Variants in DUOX1 observed in about 807,000 individuals in gnomAD.
The protein encoded by DUOX1 is NADPH thyroid oxidase 1.
DUOX1 carries 134 observed loss-of-function variants against 181.8 expected under a neutral mutation model. That is an observed-to-expected ratio of 0.74 (90% CI 0.64 to 0.85). DUOX1 has a LOEUF of 0.85. DUOX1 is among the 40% of genes least tolerant of loss of function. DUOX1 has a pLI of 0.00. For missense variants in DUOX1, 1,814 were observed against 2,064.4 expected, an observed-to-expected ratio of 0.88 and a Z score of 2.35; for synonymous variants, 798 against 832.5, an observed-to-expected ratio of 0.96 and a Z score of 0.71.
chr15:45,137,185 T>TAAAAA (rs35442034), intron 9 of DUOX1, among the ~76,000 whole-genome samples: 2 of 81,922 alleles, frequency 2.4e-5, no homozygotes, highest in Non-Finnish European at 4.5e-5. Flanking sequence ...TCGTCTCTAC[T>TAAAAA]AAAAAAAAAA....
intron 14 of DUOX1, among the ~76,000 whole-genome samples, chr15:45,141,711 G>A (rs939051286): frequency 6.6e-6 from 1 of 152,064 alleles, no homozygotes; most frequent in Non-Finnish European, 1.5e-5. Context: ...GGAGGGCTCA[G>A]TGCAGTGAGG....
Position 45,133,718 on chromosome 15 carries a change from C to G in DUOX1, c.59-146C>G. 5 of 695,180 alleles carry G rather than the reference C, an allele frequency of 7.2e-6. No homozygotes were observed. In the South Asian group the frequency reaches 8.7e-5, roughly 12 times the overall value. 43.1% of individuals were successfully genotyped at this position (695,180 alleles called of 1,614,324 possible). ...GACACTACTTTGCCCTGGTTTTTCC[C>G]TCTGCACCCTACCTCTCACATCCAC... On this transcript the variant is annotated intron_variant, in intron 2 of 33. Transcript: ENST00000389037.
At position 45,161,901 on chromosome 15, in the gene DUOX1, G is replaced by A. The variant is rs1429253302; in HGVS notation, c.4020G>A (p.Gly1340=). The part of the protein sequence containing the change: ...DTLSLHIRAA[G]PWTTRLREIY... ...TTAGCCTGCACATCCGGGCAGCAGG[G>A]CCCTGGACCACTCGCCTCAGGGAGA... The change falls in exon 30 of 34, where the codon GGG becomes GGA. Residue 1340 remains glycine, a synonymous_variant. Coordinates refer to ENST00000389037, the MANE Select transcript of DUOX1 (RefSeq NM_175940.3). 7 of 1,613,304 alleles carry A rather than the reference G, an allele frequency of 4.3e-6. No individual in the cohort carries two copies. The South Asian group carries it at 7.7e-5, about 18-fold the overall frequency.
At chr15:45,136,435 G>C (rs1381673283) in intron 8 of DUOX1, 25 bp downstream of exon 8, 41 of 1,613,928 alleles carry the variant, frequency 2.5e-5, no homozygotes, top group Non-Finnish European at 3.3e-5. Context: ...AAGGAGGATG[G>C]GAGGGCTTGC....
chr15:45,147,494 G>A lies in DUOX1; in HGVS notation c.2384G>A (p.Arg795Gln), dbSNP rs778426163. The change falls in exon 19 of 34, where the codon CGG (arginine) becomes CAG (glutamine). Residue 795 changes from arginine to glutamine, a missense_variant. Coordinates refer to ENST00000389037, the MANE Select transcript of DUOX1 (RefSeq NM_175940.3). ...TLPLDSSQKV[R>Q]EALTCELSRA... Reference sequence around the variant, plus strand: ...CCCCTGGACTCCTCCCAGAAGGTGCGGGAGGCCCTGACCTGTGAGCTGAGC... The same window carrying A: ...CCCCTGGACTCCTCCCAGAAGGTGCAGGAGGCCCTGACCTGTGAGCTGAGC... The A allele has an allele frequency of 2.5e-5, 41 of 1,614,046 alleles. No individual in the cohort carries two copies. Among genetic ancestry groups the A allele is most frequent in the Middle Eastern group, 1.7e-4 (1 of 6,060 alleles).
In DUOX1 at chr15:45,147,563, T is replaced by G. The variant is rs371652459; in HGVS notation, c.2453T>G (p.Met818Arg). ...TCCCTGGGCCTCAAGCCCCAGGACA[T>G]GTTTGTGGAGTCCATGTTCTCTCTG... ...AESLGLKPQD[M>R]FVESMFSLAD... Residue 818 changes from methionine to arginine, a missense_variant, in exon 19 of 34, where the codon ATG (methionine) becomes AGG (arginine). Met to Arg is a moderately conservative substitution (Grantham distance 91). Around this residue, in one of 5 missense-constraint regions of DUOX1, gnomAD observed 1,064 missense variants for 1,152.9 expected, o/e 0.92. Transcript: ENST00000389037. The G allele has an allele frequency of 4.3e-5, 69 of 1,613,864 alleles. No homozygotes were observed. Among genetic ancestry groups the G allele is most frequent in the Non-Finnish European group, 5.6e-5 (66 of 1,179,918 alleles).
intron 19 of DUOX1, 38 bp downstream of exon 19, chr15:45,147,696 G>A: frequency 1.2e-6 from 2 of 1,611,908 alleles, no homozygotes; most frequent in Middle Eastern, 1.7e-4. Flanking sequence ...GCTGGACAGG[G>A]GCTGATCTGT....
chr15:45,148,035 C>T (rs774096097), intron 20 of DUOX1, 38 bp downstream of exon 20: 3 of 1,552,050 alleles, frequency 1.9e-6, no homozygotes, highest in Middle Eastern at 1.7e-4. Context: ...TGGGCCAGGG[C>T]AGGGATGCCA....
chr15:45,144,208 G>A lies in DUOX1; in HGVS notation c.2109G>A (p.Leu703=), dbSNP rs748223276. ...GCAACCGTGGACGCCGCACTCTGCTGCTCAAGATCCCCAAGGAGTATGACC... is the reference window on the plus strand; with the variant it reads ...GCAACCGTGGACGCCGCACTCTGCTACTCAAGATCCCCAAGGAGTATGACC... ...LSSNRGRRTL[L]LKIPKEYDLV... The change falls in exon 17 of 34, where the codon CTG becomes CTA. Residue 703 remains leucine (L), a synonymous_variant. Coordinates refer to ENST00000389037, the MANE Select transcript of DUOX1 (RefSeq NM_175940.3). The A allele has an allele frequency of 3.7e-6, 6 of 1,613,960 alleles. No homozygotes were observed. The highest frequency in any genetic ancestry group is 1.3e-5 in the African/African-American group (1 of 74,948).
intron 30 of DUOX1, 67 bp from the exon 31 acceptor site, chr15:45,162,152 T>A: frequency 6.4e-7 from 1 of 1,559,684 alleles, no homozygotes; most frequent in Non-Finnish European, 8.7e-7. Context: ...TTTCCTTTTC[T>A]CTCATTTCTG....
intron 21 of DUOX1, 197 bp downstream of exon 21, chr15:45,148,644 T>A: frequency 2.6e-6 from 1 of 387,114 alleles, no homozygotes; most frequent in Non-Finnish European, 4.1e-6. Context: ...CAATATAATT[T>A]TAAAATATTA....
chr15:45,144,918 A>C lies in DUOX1; in HGVS notation c.2160A>C (p.Glu720Asp). The C allele has an allele frequency of 6.2e-7, 1 of 1,612,322 alleles. No individual in the cohort carries two copies. Among genetic ancestry groups the C allele is most frequent in the Non-Finnish European group, 8.5e-7 (1 of 1,179,408 alleles). The change falls in exon 18 of 34, where the codon GAA (glutamate) becomes GAC (aspartate). Residue 720 changes from glutamate (E) to aspartate (D), a missense_variant. By Grantham distance (45) the Glu-to-Asp change is conservative. Around this residue, in one of 5 missense-constraint regions of DUOX1, gnomAD observed 1,064 missense variants for 1,152.9 expected, o/e 0.92. Coordinates refer to ENST00000389037, the MANE Select transcript of DUOX1 (RefSeq NM_175940.3). ...YDLVLLFNLE[E>D]ERQALVENLR... ...AGGTGCTGCTGTTTAACTTGGAGGA[A>C]GAGCGGCAGGCGCTGGTGGAAAATC...
chr15:45,148,055 G>A, intron 20 of DUOX1, 58 bp downstream of exon 20: 2 of 1,499,472 alleles, frequency 1.3e-6, no homozygotes, highest in Non-Finnish European at 1.9e-6. Flanking sequence ...AGGGCAAATA[G>A]ATGGGACCTG....
chr15:45,145,864 G>A lies in DUOX1; in HGVS notation c.2322+784G>A, dbSNP rs533697007. The stretch of plus-strand genomic sequence containing the variant: ...TGGGAGGCAGAGGTTGCAGTGAGCC[G>A]AGATTGCACCACTGCACTCCAGCCT... On this transcript the variant is annotated intron_variant, in intron 18 of 33. Coordinates refer to ENST00000389037, the MANE Select transcript of DUOX1 (RefSeq NM_175940.3). 1.1e-4 allele frequency among the ~76,000 whole-genome samples: 16 copies of A among 151,774 alleles called. 1 individual carries two copies. The South Asian group carries it at 2.3e-3, about 22-fold the overall frequency.
Position 45,147,468 on chromosome 15 carries a change from G to A in DUOX1, c.2358G>A (p.Leu786=). 2 of 1,614,008 alleles carry A rather than the reference G, an allele frequency of 1.2e-6. No homozygotes were observed. Among genetic ancestry groups the A allele is most frequent in the Admixed American group, 1.7e-5 (1 of 60,012 alleles). Residue 786 remains leucine (L), a synonymous_variant, in exon 19 of 34, where the codon CTG becomes CTA. Coordinates refer to ENST00000389037, the MANE Select transcript of DUOX1 (RefSeq NM_175940.3). ...TCAACCAGGCCGACGCAGGGACCCT[G>A]CCCCTGGACTCCTCCCAGAAGGTGC... ...LDINQADAGT[L]PLDSSQKVRE...
chr15:45,158,729 A>G (rs1271738732), intron 28 of DUOX1, among the ~76,000 whole-genome samples: 22 of 133,572 alleles, frequency 1.6e-4, no homozygotes, highest in African/African-American at 5.6e-4. Flanking sequence ...AAAAAAAAAA[A>G]GCAGCTATCT....
rs1896471581 is a variant in DUOX1 at position 45,140,894 on chromosome 15, G to A, written c.1390-1G>A. On this transcript the variant is annotated splice_acceptor_variant, in intron 12 of 33. Coordinates refer to ENST00000389037, the MANE Select transcript of DUOX1 (RefSeq NM_175940.3). LOFTEE classifies it high-confidence loss of function. ...TTACTTCTGCCCCTTCTTGGTTCCAGGTACTGGAGGCCACAGCTGCCCTGT... is the reference window on the plus strand; with the variant it reads ...TTACTTCTGCCCCTTCTTGGTTCCAAGTACTGGAGGCCACAGCTGCCCTGT... 12 of 1,613,040 alleles carry A rather than the reference G, an allele frequency of 7.4e-6. No individual in the cohort carries two copies. The highest frequency in any genetic ancestry group is 1.0e-5 in the Non-Finnish European group (12 of 1,179,328).
chr15:45,162,064 T>A, intron 30 of DUOX1, 94 bp downstream of exon 30: 4 of 1,461,686 alleles, frequency 2.7e-6, no homozygotes, highest in Non-Finnish European at 3.7e-6. Context: ...GTGCCTCCCC[T>A]CTCTGCATCT....
chr15:45,132,753 T>C (rs1341345365), intron 2 of DUOX1, among the ~76,000 whole-genome samples: 1 of 152,218 alleles, frequency 6.6e-6, no homozygotes, highest in African/African-American at 2.4e-5. Context: ...CCCTCTTCTT[T>C]CCCTAGCTTT....
Sources: gnomAD v4.1 joint callset for allele counts (sites outside exome capture counted in the v4.1 genomes callset) on GRCh38, gnomAD v4.1.1 for gene constraint, gnomAD v4.1.1 regional missense constraint, MANE v1.5 for transcripts, NCBI Gene and HGNC (gene_info 2026-07-23, HGNC 2026-07-21) for gene names.